GPAM: variants seen among roughly 807,000 people sequenced by gnomAD.
GPAM encodes glycerol-3-phosphate acyltransferase 1, mitochondrial.
Under a neutral mutation model 105.0 loss-of-function variants are expected in GPAM, and 56 were observed. The observed-to-expected ratio is 0.53, with a 90% CI of 0.43 to 0.67. GPAM has a LOEUF of 0.67. GPAM is among the 30% of genes least tolerant of loss of function. GPAM has a pLI of 0.00. For synonymous variants in GPAM, 368 were observed against 354.4 expected (o/e 1.04, Z -0.43); for missense variants, 855 against 989.8 (o/e 0.86, Z 1.83).
chr10:112,153,386 A>C lies in GPAM; in HGVS notation c.*164T>G. 1 of 1,566,436 alleles carries C rather than the reference A, an allele frequency of 6.4e-7. No individual in the cohort carries two copies. Among genetic ancestry groups the C allele is most frequent in the South Asian group, 1.2e-5 (1 of 86,684 alleles). On this transcript the variant is annotated 3_prime_UTR_variant, in exon 22 of 22. Coordinates refer to ENST00000348367, the MANE Select transcript of GPAM (RefSeq NM_001244949.2). Reference sequence around the variant, plus strand: ...CTGCTGTGTTGATGCAGAGCTGGGAAGATCACAGATCCATGGAGGGAGAAG... The same window carrying C: ...CTGCTGTGTTGATGCAGAGCTGGGACGATCACAGATCCATGGAGGGAGAAG...
intron 2 of GPAM, among the ~76,000 whole-genome samples, chr10:112,182,305 TC>T (rs990702638): frequency 1.3e-5 from 2 of 152,164 alleles, no homozygotes; most frequent in Non-Finnish European, 2.9e-5. Flanking sequence ...CCCCTTAAGT[TC>T]CCGTACTTAA....
At chr10:112,207,225 T>C (rs942169330) in intron 1 of GPAM, among the ~76,000 whole-genome samples, 6 of 152,204 alleles carry the variant, frequency 3.9e-5, no homozygotes, top group Non-Finnish European at 7.3e-5. Flanking sequence ...CTTCCTATGA[T>C]GTACGGGACA....
Position 112,181,815 on chromosome 10 carries a change from T to C in GPAM, c.-29-2A>G, listed in dbSNP as rs1847513953. ...AAAGTGTAATTCCCAAATCATGTGC[T>C]ATAAAAAATAGGTACCATTTAAATT... On this transcript the variant is annotated splice_acceptor_variant, in intron 2 of 21. Coordinates refer to ENST00000348367, the MANE Select transcript of GPAM (RefSeq NM_001244949.2). LOFTEE classifies it low-confidence loss of function (5UTR_SPLICE). The C allele has an allele frequency of 2.5e-6, 3 of 1,189,162 alleles. No individual in the cohort carries two copies. Among genetic ancestry groups the C allele is most frequent in the Non-Finnish European group, 3.8e-6 (3 of 792,632 alleles). 73.7% of individuals were successfully genotyped at this position (1,189,162 alleles called of 1,614,324 possible). A position where few individuals can be genotyped will look rare whatever the true frequency, so the allele number is the denominator to read the frequency against.
chr10:112,209,358 T>C (rs118081487), intron 1 of GPAM, among the ~76,000 whole-genome samples: 4,580 of 151,816 alleles, frequency 0.03, 78 homozygotes, highest in Non-Finnish European at 0.034. Flanking sequence ...TAGTAGTGCG[T>C]GTTGTTCTGT....
chr10:112,170,233 G>C (rs1847289888), intron 9 of GPAM, among the ~76,000 whole-genome samples: 1 of 152,144 alleles, frequency 6.6e-6, no homozygotes, highest in Non-Finnish European at 1.5e-5. Flanking sequence ...GTAAGGTGTT[G>C]CCAAAGCTTA....
the GPAM span, among the ~76,000 whole-genome samples, chr10:112,223,488 CA>C: frequency 6.6e-6 from 1 of 152,222 alleles, no homozygotes; most frequent in Non-Finnish European, 1.5e-5. Flanking sequence ...TTTGAAGTCA[CA>C]TGTTGCAGTG....
rs550948040 is a variant in GPAM, at chr10:112,152,652, A to G, written c.*898T>C. On this transcript the variant is annotated 3_prime_UTR_variant, in exon 22 of 22. Coordinates refer to ENST00000348367, the MANE Select transcript of GPAM (RefSeq NM_001244949.2). ...AGCTAATCAAGTTAGGAAAACTGCT[A>G]TTTGGTTGGAGGATTTCCAAGAAAC... is the stretch of plus-strand genomic sequence containing the variant. The G allele has an allele frequency of 4.4e-5, 43 of 985,366 alleles. No homozygotes were observed. The East Asian group carries it at 1.1e-3, about 26-fold the overall frequency. The allele number at this position is 985,366 out of a possible 1,614,324, so 61.0% of individuals were successfully genotyped here. A position where few individuals can be genotyped will look rare whatever the true frequency, so the allele number is the denominator to read the frequency against.
chr10:112,158,253 T>A, intron 18 of GPAM, 63 bp downstream of exon 18: 2 of 1,018,724 alleles, frequency 2.0e-6, no homozygotes, highest in South Asian at 2.5e-5. Context: ...AAATAAGTTG[T>A]AGAAAAGGTA....
intron 1 of GPAM, among the ~76,000 whole-genome samples, chr10:112,210,824 G>A (rs1847902776): frequency 6.6e-6 from 1 of 152,224 alleles, no homozygotes; most frequent in African/African-American, 2.4e-5. Context: ...TAGACACTGT[G>A]TGCTGTGCAG....
chr10:112,198,576 G>A (rs887761289), intron 1 of GPAM, among the ~76,000 whole-genome samples: 10 of 152,296 alleles, frequency 6.6e-5, no homozygotes, highest in African/African-American at 2.4e-5. Flanking sequence ...TTAAGAATCA[G>A]TGTTTGCAGT....
chr10:112,164,778 A>T (rs543819769), intron 12 of GPAM, among the ~76,000 whole-genome samples, 168 bp from the exon 13 acceptor site: 27 of 152,376 alleles, frequency 1.8e-4, no homozygotes, highest in African/African-American at 6.3e-4. Context: ...GTCCAGAATG[A>T]TTCACAGAAT....
chr10:112,212,685 T>C (rs1847925522), intron 1 of GPAM, among the ~76,000 whole-genome samples: 1 of 152,218 alleles, frequency 6.6e-6, no homozygotes, highest in African/African-American at 2.4e-5. Flanking sequence ...CAGCCTGCCA[T>C]TGAGTCTCAG....
At chr10:112,198,798 TAAAG>T (rs1353299815) in intron 1 of GPAM, among the ~76,000 whole-genome samples, 1 of 152,076 alleles carries the variant, frequency 6.6e-6, no homozygotes, top group Non-Finnish European at 1.5e-5. Flanking sequence ...GAAGAGTGGG[TAAAG>T]AAAGTATGGT....
rs878940430 is a variant in GPAM, at chr10:112,150,393, C to A, written c.*3157G>T. 3 of 985,626 alleles carry A rather than the reference C, an allele frequency of 3.0e-6. No homozygotes were observed. Among genetic ancestry groups the A allele is most frequent in the South Asian group, 9.4e-5 (2 of 21,286 alleles). The allele number at this position is 985,626 out of a possible 1,614,324, so 61.1% of individuals were successfully genotyped here. On this transcript the variant is annotated 3_prime_UTR_variant, in exon 22 of 22. Transcript: ENST00000348367. ...AAAAGCCAGGATCATTGGGGCTGTT[C>A]TCTCTATCAAAGGAAAGAGCTCCGA...
intron 13 of GPAM, 24 bp from the exon 14 acceptor site, chr10:112,163,840 C>A: frequency 9.9e-7 from 1 of 1,005,684 alleles, no homozygotes; most frequent in Non-Finnish European, 1.6e-6. Flanking sequence ...CAAAAATCAA[C>A]ACACAACCGC....
chr10:112,215,911 A>G (rs1051261836), upstream of GPAM, among the ~76,000 whole-genome samples: 1 of 152,108 alleles, frequency 6.6e-6, no homozygotes, highest in African/African-American at 2.4e-5. Context: ...CTATTTCTTC[A>G]TCCTCTTTCC....
chr10:112,157,730 G>A lies in GPAM; in HGVS notation c.1981-341C>T, dbSNP rs898487553. On this transcript the variant is annotated intron_variant, in intron 18 of 21. Coordinates refer to ENST00000348367, the MANE Select transcript of GPAM (RefSeq NM_001244949.2). ...TCTCAAAAATGAAAACTGCAGATGT[G>A]CAAGCTGCAAGCATACTGATAGGTG... Among the ~76,000 whole-genome samples, 6 of 152,218 alleles carry A rather than the reference G, an allele frequency of 3.9e-5. No individual in the cohort carries two copies. In the East Asian group the frequency reaches 9.6e-4, roughly 24 times the overall value.
intron 9 of GPAM, 100 bp from the exon 10 acceptor site, chr10:112,169,052 A>G (rs1847269048): frequency 2.5e-6 from 2 of 797,330 alleles, no homozygotes; most frequent in Non-Finnish European, 4.3e-6. Flanking sequence ...GATACAAGCC[A>G]TATGTGCCGT....
chr10:112,157,210 T>G, intron 19 of GPAM, 39 bp downstream of exon 19: 1 of 1,580,904 alleles, frequency 6.3e-7, no homozygotes, highest in Non-Finnish European at 8.7e-7. Flanking sequence ...AACCTCAACA[T>G]ATCCCTGTAA....
Sources: allele counts gnomAD v4.1 joint callset (sites outside exome capture counted in the v4.1 genomes callset), GRCh38; gene constraint gnomAD v4.1.1; transcripts MANE v1.5; gene names NCBI Gene and HGNC (gene_info 2026-07-23, HGNC 2026-07-21).